The following TENM2 variants were observed in gnomAD, a reference collection of about 807,000 sequenced individuals.
The protein encoded by TENM2 is teneurin-2.
A neutral mutation model predicts 245.2 loss-of-function variants in TENM2; 52 were observed. The observed-to-expected ratio is 0.21, with a 90% CI of 0.17 to 0.27. The LOEUF is 0.27. Among genes scored for constraint, TENM2 ranks in the 10% least tolerant of loss-of-function variants. The probability of loss-of-function intolerance (pLI) is 1.00; values close to 1 mark genes in which losing one functional copy is unlikely to be tolerated. For synonymous variants in TENM2, 1,363 were observed against 1,438.9 expected, an observed-to-expected ratio of 0.95 and a Z score of 1.19; for missense variants, 3,046 against 3,666.8, an observed-to-expected ratio of 0.83 and a Z score of 4.37.
At chr5:167,690,546 A>AT (rs1045465485) in intron 2 of TENM2, among the ~76,000 whole-genome samples, 16 of 152,128 alleles carry the variant, frequency 1.1e-4, no homozygotes, top group Admixed American at 9.2e-4. Flanking sequence ...TGCTATTACC[A>AT]TTTTTTGCGA....
At chr5:167,330,488 A>G (rs1161267637) in intron 1 of TENM2, among the ~76,000 whole-genome samples, 3 of 152,130 alleles carry the variant, frequency 2.0e-5, no homozygotes, top group Non-Finnish European at 4.4e-5. Context: ...TATAAGGAAG[A>G]GCTTTCAAAA....
At chr5:167,937,586 T>C (rs558741584) in intron 3 of TENM2, 1 of 152,294 alleles carries the variant, frequency 6.6e-6, no homozygotes, top group South Asian at 2.1e-4. Context: ...GAGCTGCTTC[T>C]GGTTAATTCT....
At chr5:167,357,785 A>C (rs1248368882) in intron 1 of TENM2, among the ~76,000 whole-genome samples, 1 of 152,182 alleles carries the variant, frequency 6.6e-6, no homozygotes, top group Non-Finnish European at 1.5e-5. Context: ...CAGTTGTACT[A>C]AAACGCCTGG....
At chr5:167,862,791 A>G (rs759039792) in intron 2 of TENM2, among the ~76,000 whole-genome samples, 1 of 152,196 alleles carries the variant, frequency 6.6e-6, no homozygotes, top group Non-Finnish European at 1.5e-5. Context: ...CGGGTTGTGA[A>G]TTTCTGCTAG....
chr5:167,443,068 T>C (rs1764959119), intron 2 of TENM2, among the ~76,000 whole-genome samples: 1 of 152,218 alleles, frequency 6.6e-6, no homozygotes, highest in African/African-American at 2.4e-5. Context: ...CACTGATTGA[T>C]GGGCTTTGAA....
chr5:167,038,696 A>G, the TENM2 span, among the ~76,000 whole-genome samples: 1 of 152,208 alleles, frequency 6.6e-6, no homozygotes, highest in Non-Finnish European at 1.5e-5. Flanking sequence ...GGCCAAGACT[A>G]GTTTCTTTTC....
intron 3 of TENM2, among the ~76,000 whole-genome samples, chr5:167,914,002 A>G (rs1192521944): frequency 6.6e-6 from 1 of 152,194 alleles, no homozygotes; most frequent in African/African-American, 2.4e-5. Context: ...AGCTGTTGTT[A>G]TTATGACTAC....
At chr5:168,074,534 T>C (rs1394834456) in intron 7 of TENM2, among the ~76,000 whole-genome samples, 1 of 152,184 alleles carries the variant, frequency 6.6e-6, no homozygotes, top group Non-Finnish European at 1.5e-5. Flanking sequence ...GCTGTTCTAT[T>C]CTCTGCTGTG....
intron 2 of TENM2, among the ~76,000 whole-genome samples, chr5:167,532,845 T>C (rs1771610057): frequency 6.6e-6 from 1 of 150,550 alleles, no homozygotes; most frequent in African/African-American, 2.4e-5. Flanking sequence ...TATATATATA[T>C]GCTATCCTGT....
intron 1 of TENM2, among the ~76,000 whole-genome samples, chr5:167,289,260 A>G (rs906892699): frequency 6.6e-6 from 1 of 152,210 alleles, no homozygotes; most frequent in African/African-American, 2.4e-5. Flanking sequence ...AGGTGTCACT[A>G]TCTAAATGAT....
At chr5:167,757,523 G>T (rs1417633325) in intron 2 of TENM2, among the ~76,000 whole-genome samples, 1 of 152,144 alleles carries the variant, frequency 6.6e-6, no homozygotes, top group African/African-American at 2.4e-5. Context: ...GCAAGTCTTT[G>T]CTATTGTGAA....
chr5:167,399,850 C>T (rs1413977250), intron 2 of TENM2, among the ~76,000 whole-genome samples: 1 of 151,974 alleles, frequency 6.6e-6, no homozygotes, highest in Non-Finnish European at 1.5e-5. Flanking sequence ...TTGGGCCTGG[C>T]TTTGAGCTAG....
At chr5:167,951,439 T>C (rs1380226805) in intron 3 of TENM2, among the ~76,000 whole-genome samples, 1 of 152,242 alleles carries the variant, frequency 6.6e-6, no homozygotes, top group African/African-American at 2.4e-5. Flanking sequence ...ATAGGCTTCA[T>C]CGCATAGCAA....
the TENM2 span, among the ~76,000 whole-genome samples, chr5:167,279,041 C>A: frequency 6.6e-6 from 1 of 152,150 alleles, no homozygotes; most frequent in Non-Finnish European, 1.5e-5. Context: ...AGGATATTTT[C>A]ATTGGATGTA....
chr5:168,264,043 T>G (rs746953766), downstream of TENM2: 6 of 152,324 alleles, frequency 3.9e-5, no homozygotes, highest in Non-Finnish European at 8.8e-5. Context: ...GTTCATCGAG[T>G]TTTTATATTA....
At chr5:167,438,477 T>C (rs4323254) in intron 2 of TENM2, among the ~76,000 whole-genome samples, 142,176 of 152,228 alleles carry the variant, frequency 0.93, 66,652 homozygotes, top group Middle Eastern at 0.99. Flanking sequence ...CTGCAAGCTC[T>C]GCCTCCTGAG....
At chr5:168,026,026 T>C (rs981965078) in intron 5 of TENM2, among the ~76,000 whole-genome samples, 1 of 152,172 alleles carries the variant, frequency 6.6e-6, no homozygotes, top group African/African-American at 2.4e-5. Flanking sequence ...AAGTTGTCTG[T>C]ACAACTCTCT....
At chr5:167,196,907 T>A in the TENM2 span, among the ~76,000 whole-genome samples, 1 of 151,858 alleles carries the variant, frequency 6.6e-6, no homozygotes, top group South Asian at 2.1e-4. Context: ...TTCCTGGAAC[T>A]AATCTCCAGC....
chr5:167,842,580 C>CAAAAAAA (rs1160974467), intron 2 of TENM2, among the ~76,000 whole-genome samples: 3 of 45,314 alleles, frequency 6.6e-5, no homozygotes, highest in Non-Finnish European at 1.2e-4. Context: ...GACTCCATGT[C>CAAAAAAA]AAAAAAAAAA....
Sources: allele counts gnomAD v4.1 joint callset (sites outside exome capture counted in the v4.1 genomes callset), GRCh38; gene constraint gnomAD v4.1.1; transcripts MANE v1.5; gene names NCBI Gene and HGNC (gene_info 2026-07-23, HGNC 2026-07-21).